Variants in FBXO36 observed in about 807,000 individuals in gnomAD.
The protein encoded by FBXO36 is F-box only protein 36.
In FBXO36, 18 loss-of-function variants were observed where a neutral mutation model predicts 17.0. The ratio of observed to expected loss-of-function variants is 1.06; its 90% confidence interval spans 0.73 to 1.57. FBXO36 has a LOEUF of 1.57. FBXO36 is among the 40% of genes most tolerant of loss of function. The probability of loss-of-function intolerance (pLI) is 0.00; values close to 1 mark genes in which losing one functional copy is unlikely to be tolerated. For missense variants in FBXO36, 229 were observed against 221.9 expected (o/e 1.03, Z -0.20); for synonymous variants, 83 against 85.3 (o/e 0.97, Z 0.15).
intron 2 of FBXO36, among the ~76,000 whole-genome samples, chr2:229,987,089 G>A (rs1056452602): frequency 4.6e-5 from 7 of 151,228 alleles, no homozygotes; most frequent in Admixed American, 1.3e-4. Flanking sequence ...GCGTGTTGGC[G>A]CACAACTGTA....
chr2:229,942,739 G>T (rs928487717), intron 1 of FBXO36: 5 of 152,240 alleles, frequency 3.3e-5, no homozygotes, highest in African/African-American at 7.2e-5. Context: ...CCATACCAAA[G>T]GCTCAGTTCT....
chr2:230,011,919 G>A lies in FBXO36; in HGVS notation c.*1035G>A, dbSNP rs2077418143. The A allele has an allele frequency of 2.0e-5, 3 of 152,122 alleles. No homozygotes were observed. The South Asian group carries it at 6.2e-4, about 32-fold the overall frequency. 9.4% of individuals were successfully genotyped at this position (152,122 alleles called of 1,614,324 possible). On this transcript the variant is annotated 3_prime_UTR_variant, in exon 4 of 4. Coordinates refer to ENST00000283946, the MANE Select transcript of FBXO36 (RefSeq NM_174899.5). ...GGGGTAAAAAGAATACAGTCCTGGG[G>A]AGAAAGGTCACTTCACTGAGAAGGC...
intron 2 of FBXO36, among the ~76,000 whole-genome samples, chr2:229,989,727 A>ATTTTTTTT (rs11313146): frequency 8.3e-6 from 1 of 120,880 alleles, no homozygotes; most frequent in African/African-American, 3.1e-5. Flanking sequence ...CGCCTGGCTA[A>ATTTTTTTT]TTTTTTTTTT....
At chr2:229,934,217 C>T (rs570216695) in intron 1 of FBXO36, among the ~76,000 whole-genome samples, 143 of 151,728 alleles carry the variant, frequency 9.4e-4, no homozygotes, top group African/African-American at 3.2e-3. Flanking sequence ...CTGGCTAACA[C>T]GGTGAAACCC....
At chr2:229,962,076 G>T (rs34869673) in intron 1 of FBXO36, among the ~76,000 whole-genome samples, 34,393 of 151,872 alleles carry the variant, frequency 0.23, 4,873 homozygotes, top group Middle Eastern at 0.41. Context: ...CCAGCTACCA[G>T]GGAGGCTGAT....
intron 1 of FBXO36, 138 bp downstream of exon 1, chr2:229,922,747 T>G (rs1185550087): frequency 9.6e-6 from 8 of 832,572 alleles, no homozygotes; most frequent in African/African-American, 1.7e-5. Flanking sequence ...CCGGGAGATT[T>G]TCCTCGTCAC....
chr2:229,953,494 G>T (rs193045367), intron 1 of FBXO36, among the ~76,000 whole-genome samples: 6 of 151,730 alleles, frequency 4.0e-5, no homozygotes, highest in Middle Eastern at 3.4e-3. Context: ...TGGGCAATAT[G>T]GCAAAACCTC....
chr2:229,961,422 C>G (rs2077120236), intron 1 of FBXO36, among the ~76,000 whole-genome samples: 1 of 152,098 alleles, frequency 6.6e-6, no homozygotes, highest in Non-Finnish European at 1.5e-5. Context: ...TGTCACGAGG[C>G]TGGAGTGCAG....
Position 230,002,995 on chromosome 2 carries a change from G to A in FBXO36, c.378+6072G>A, listed in dbSNP as rs575034768. On this transcript the variant is annotated intron_variant, in intron 3 of 3. Transcript: ENST00000283946. ...TGGGAGGCCGAGGCGGATGGATCAC[G>A]AGGTCAGGAGATCAAAACCATCCTG... Among the ~76,000 whole-genome samples, 11 of 151,934 alleles carry A rather than the reference G, an allele frequency of 7.2e-5. No homozygotes were observed. The South Asian group carries it at 1.9e-3, about 26-fold the overall frequency.
At chr2:229,933,182 C>G (rs1318726987) in intron 1 of FBXO36, among the ~76,000 whole-genome samples, 1 of 152,140 alleles carries the variant, frequency 6.6e-6, no homozygotes, top group South Asian at 2.1e-4. Flanking sequence ...CACCTGAGGT[C>G]AGGAGTTCGA....
chr2:229,943,758 T>G (rs919492442), intron 1 of FBXO36, among the ~76,000 whole-genome samples: 1 of 152,174 alleles, frequency 6.6e-6, no homozygotes, highest in Non-Finnish European at 1.5e-5. Context: ...TGATTAGATA[T>G]TGAATCCCAT....
chr2:229,947,556 G>A (rs2077033846), intron 1 of FBXO36, among the ~76,000 whole-genome samples: 1 of 152,252 alleles, frequency 6.6e-6, no homozygotes, highest in African/African-American at 2.4e-5. Context: ...GCCTTTGGCT[G>A]CTGTGTAGAA....
chr2:229,996,981 T>A, intron 3 of FBXO36, 58 bp downstream of exon 3: 1 of 1,512,508 alleles, frequency 6.6e-7, no homozygotes, highest in Non-Finnish European at 9.0e-7. Context: ...CTAAAAAAAA[T>A]TTTTAACATA....
intron 2 of FBXO36, among the ~76,000 whole-genome samples, chr2:229,981,409 C>T (rs1472991768): frequency 6.6e-6 from 1 of 151,660 alleles, no homozygotes; most frequent in Non-Finnish European, 1.5e-5. Flanking sequence ...GACAGGATCT[C>T]ACTCTGCTGC....
At chr2:230,009,808 T>C (rs1196149084) in intron 3 of FBXO36, among the ~76,000 whole-genome samples, 2 of 151,924 alleles carry the variant, frequency 1.3e-5, no homozygotes, top group East Asian at 3.9e-4. Context: ...TAGCCAGGCA[T>C]GGTGGTGTGC....
intron 1 of FBXO36, among the ~76,000 whole-genome samples, chr2:229,940,802 C>T (rs952545227): frequency 2.0e-5 from 3 of 152,158 alleles, no homozygotes; most frequent in Non-Finnish European, 4.4e-5. Context: ...CTTAGTAACA[C>T]CGCGATTTTG....
intron 1 of FBXO36, among the ~76,000 whole-genome samples, chr2:229,927,294 A>AT (rs748664690): frequency 1.1e-4 from 17 of 151,434 alleles, no homozygotes; most frequent in Admixed American, 2.6e-4. Flanking sequence ...TATATGTTGT[A>AT]TTTTTTTTTA....
At chr2:230,008,061 T>C (rs1262436787) in intron 3 of FBXO36, among the ~76,000 whole-genome samples, 1 of 152,032 alleles carries the variant, frequency 6.6e-6, no homozygotes, top group Non-Finnish European at 1.5e-5. Flanking sequence ...GATATTAAGG[T>C]TGTACAGATC....
chr2:229,983,205 G>A (rs764307862), intron 2 of FBXO36, among the ~76,000 whole-genome samples: 10 of 151,886 alleles, frequency 6.6e-5, no homozygotes, highest in Non-Finnish European at 1.3e-4. Context: ...GAGAAACCCC[G>A]TCTCTACTAA....
Sources: gnomAD v4.1 joint callset for allele counts (sites outside exome capture counted in the v4.1 genomes callset) on GRCh38, gnomAD v4.1.1 for gene constraint, MANE v1.5 for transcripts, NCBI Gene and HGNC (gene_info 2026-07-23, HGNC 2026-07-21) for gene names.